The following NOC3L variants were observed in gnomAD, a reference collection of about 807,000 sequenced individuals.
NOC3L encodes the protein NOC3 like DNA replication regulator.
NOC3L carries 85 observed loss-of-function variants against 102.5 expected under a neutral mutation model. The observed-to-expected ratio is 0.83, with a 90% CI of 0.70 to 0.99. The LOEUF (loss-of-function observed/expected upper bound fraction) is 0.99, where lower values mean the gene tolerates loss of function less well. Among genes scored for constraint, NOC3L ranks in the 50% least tolerant of loss-of-function variants. The pLI, the probability that NOC3L is intolerant of heterozygous loss-of-function variation, is 0.00. For missense variants in NOC3L, 878 were observed against 914.9 expected, an observed-to-expected ratio of 0.96 and a Z score of 0.52; for synonymous variants, 303 against 309.4, an observed-to-expected ratio of 0.98 and a Z score of 0.22.
the NOC3L span, chr10:94,328,059 T>G: frequency 4.0e-6 from 2 of 494,292 alleles, no homozygotes; most frequent in Non-Finnish European, 8.4e-6. Context: ...TGATGATTTC[T>G]GAACTGAAGC....
At position 94,357,263 on chromosome 10, in the gene NOC3L, G is replaced by C. The variant is rs751658073; in HGVS notation, c.419C>G (p.Thr140Ser). Residue 140 changes from threonine (T) to serine (S), a missense_variant, in exon 4 of 21, where the codon ACT becomes AGT. Transcript: ENST00000371361. ...TTCCTTCTCTGGTGCAGTTTGCAGA[G>C]TTCTTGGTATTTTTTCATATTTATC... The part of the protein sequence containing the change: ...IIDKYEKIPR[T>S]LQTAPEKELI... 1.2e-6 allele frequency: 2 copies of C among 1,608,976 alleles called. No individual in the cohort carries two copies. The highest frequency in any genetic ancestry group is 1.7e-6 in the Non-Finnish European group (2 of 1,177,540).
chr10:94,329,873 A>G (rs555438133), downstream of NOC3L: 1 of 150,960 alleles, frequency 6.6e-6, no homozygotes, highest in African/African-American at 2.4e-5. Flanking sequence ...GGCTAGAACT[A>G]CCATTTTCTT....
chr10:94,332,495 ATGTGTGTGCC>A (rs1014761470), downstream of NOC3L: 1 of 130,344 alleles, frequency 7.7e-6, no homozygotes, highest in African/African-American at 3.0e-5. Context: ...GCCTCAGGAT[ATGTGTGTGCC>A]TGTGTGTGTG....
At chr10:94,326,565 CAT>C in the NOC3L span, among the ~76,000 whole-genome samples, 2 of 152,184 alleles carry the variant, frequency 1.3e-5, no homozygotes, top group African/African-American at 4.8e-5. Context: ...TACTTCTCTA[CAT>C]ATAAAGAGCC....
At chr10:94,341,635 C>A in intron 14 of NOC3L, 38 bp downstream of exon 14, 2 of 1,095,442 alleles carry the variant, frequency 1.8e-6, no homozygotes, top group East Asian at 2.9e-5. Context: ...TAGTAATTAC[C>A]ATTTATATCT....
At position 94,340,507 on chromosome 10, in the gene NOC3L, A is replaced by G. The variant is rs2054269774; in HGVS notation, c.1645-11T>C. On this transcript the variant is annotated splice_polypyrimidine_tract_variant and intron_variant, in intron 14 of 20. Coordinates refer to ENST00000371361, the MANE Select transcript of NOC3L (RefSeq NM_022451.11). ...TTGATAGCTTAGGTCCTTTAAAAAA[A>G]AAAGGGGGGGGTGAGGGGGATGGAA... 1.5e-6 allele frequency: 2 copies of G among 1,337,648 alleles called. No individual in the cohort carries two copies. Among genetic ancestry groups the G allele is most frequent in the South Asian group, 2.4e-5 (2 of 83,976 alleles). 82.9% of individuals were successfully genotyped at this position (1,337,648 alleles called of 1,614,324 possible). A position where few individuals can be genotyped will look rare whatever the true frequency, so the allele number is the denominator to read the frequency against.
chr10:94,349,513 T>TG, intron 9 of NOC3L, 135 bp from the exon 10 acceptor site: 1 of 636,322 alleles, frequency 1.6e-6, no homozygotes, highest in Non-Finnish European at 2.5e-6. Flanking sequence ...CTCCACTAGA[T>TG]GCCAGTAGTT....
chr10:94,362,935 C>CT lies in NOC3L; in HGVS notation c.-98dup. ...TGACACACGTGCCGAAGTCCCTACA[C>CT]TACCAGAGCCGGAAACGGCCTTCAG... is the stretch of plus-strand genomic sequence containing the variant. On this transcript the variant is annotated 5_prime_UTR_variant, in exon 1 of 21. Coordinates refer to ENST00000371361, the MANE Select transcript of NOC3L (RefSeq NM_022451.11). 1 of 1,592,882 alleles carries CT rather than the reference C, an allele frequency of 6.3e-7. No individual in the cohort carries two copies. Among genetic ancestry groups the CT allele is most frequent in the East Asian group, 2.2e-5 (1 of 44,718 alleles).
chr10:94,322,555 C>A, the NOC3L span, among the ~76,000 whole-genome samples: 1 of 151,966 alleles, frequency 6.6e-6, no homozygotes, highest in Non-Finnish European at 1.5e-5. Flanking sequence ...GGGGCCAAGG[C>A]GGGTGGATTG....
intron 5 of NOC3L, 33 bp from the exon 6 acceptor site, chr10:94,355,126 C>G (rs1217185149): frequency 1.8e-5 from 29 of 1,575,014 alleles, no homozygotes; most frequent in Non-Finnish European, 2.5e-5. Flanking sequence ...TTACATATTC[C>G]TCTGCTTACA....
intron 17 of NOC3L, among the ~76,000 whole-genome samples, 161 bp downstream of exon 17, chr10:94,339,575 GCTT>G (rs1335569077): frequency 1.3e-5 from 2 of 151,952 alleles, no homozygotes; most frequent in African/African-American, 4.8e-5. Context: ...GGTATAAAAT[GCTT>G]TTTTTCAATT....
chr10:94,361,741 CCT>C lies in NOC3L; in HGVS notation c.139_140del (p.Arg47GlufsTer12). On this transcript the variant is annotated frameshift_variant, in exon 2 of 21. Transcript: ENST00000371361. LOFTEE classifies it high-confidence loss of function. Reference protein sequence around the residue: ...STLKKYRKEQRKLRQAVKDAV... With the variant: ...STLKKYRKEQXKLRQAVKDAV... The stretch of plus-strand genomic sequence containing the variant: ...CATCTTTCACAGCTTGCCTTAGTTT[CCT>C]CTGTTCTTTTCGGTACTTCTTGAGA... The C allele has an allele frequency of 6.3e-7, 1 of 1,584,908 alleles. No homozygotes were observed. Among genetic ancestry groups the C allele is most frequent in the African/African-American group, 1.4e-5 (1 of 73,928 alleles).
In NOC3L at chr10:94,339,657, AAG is replaced by A. The variant is rs1379854084; in HGVS notation, c.1962+80_1962+81del. 33 of 1,060,716 alleles carry A rather than the reference AAG, an allele frequency of 3.1e-5. No homozygotes were observed. In the East Asian group the frequency reaches 7.5e-4, roughly 24 times the overall value. 65.7% of individuals were successfully genotyped at this position (1,060,716 alleles called of 1,614,324 possible). A position where few individuals can be genotyped will look rare whatever the true frequency, so the allele number is the denominator to read the frequency against. ...TACTTCTGTAATTGAAATAATATAA[AAG>A]GGGGGAAAAGACATGCCTCAAACAA... On this transcript the variant is annotated intron_variant, in intron 17 of 20. Coordinates refer to ENST00000371361, the MANE Select transcript of NOC3L (RefSeq NM_022451.11).
At position 94,359,439 on chromosome 10, in the gene NOC3L, A is replaced by G. The variant is rs574103632; in HGVS notation, c.218-1224T>C. Among the ~76,000 whole-genome samples the G allele has an allele frequency of 1.2e-4, 18 of 152,122 alleles. No homozygotes were observed. In the South Asian group the frequency reaches 2.9e-3, roughly 25 times the overall value. On this transcript the variant is annotated intron_variant, in intron 2 of 20. Coordinates refer to ENST00000371361, the MANE Select transcript of NOC3L (RefSeq NM_022451.11). ...AACTCCAGCCTGGGCAACAAGTGTGAAACTCCGTCTCAAAAAAAAAAACAA... is the reference window on the plus strand; with the variant it reads ...AACTCCAGCCTGGGCAACAAGTGTGGAACTCCGTCTCAAAAAAAAAAACAA...
downstream of NOC3L, chr10:94,330,561 C>A (rs1233261050): frequency 6.6e-6 from 1 of 151,786 alleles, no homozygotes; most frequent in African/African-American, 2.4e-5. Flanking sequence ...TGGTGGTGGG[C>A]ACCTGTAAAT....
At position 94,333,668 on chromosome 10, in the gene NOC3L, AT is replaced by A. The variant is rs1165855730; in HGVS notation, c.*508del. The A allele has an allele frequency of 6.6e-6, 1 of 152,082 alleles. No homozygotes were observed. The highest frequency in any genetic ancestry group is 1.5e-5 in the Non-Finnish European group (1 of 67,998). 9.4% of individuals were successfully genotyped at this position (152,082 alleles called of 1,614,324 possible). On this transcript the variant is annotated 3_prime_UTR_variant, in exon 21 of 21. Transcript: ENST00000371361. Reference sequence around the variant, plus strand: ...AAGCCAATGAACCTGAATACAAGCTATTTTTTTCTTTTCTCAAATATCTTCA... The same window carrying A: ...AAGCCAATGAACCTGAATACAAGCTATTTTTTCTTTTCTCAAATATCTTCA...
At chr10:94,324,345 T>G in the NOC3L span, 1 of 1,609,676 alleles carries the variant, frequency 6.2e-7, no homozygotes, top group Non-Finnish European at 8.5e-7. Flanking sequence ...AACTTACCTT[T>G]CAGACCTTAT....
At position 94,355,127 on chromosome 10, in the gene NOC3L, TCTG is replaced by T. The variant is rs748452691; in HGVS notation, c.566-37_566-35del. Reference sequence around the variant, plus strand: ...GATTAGATGTTCCCTTACATATTCCTCTGCTTACAAGTATCCAAGAATCTTAAT... The same window carrying T: ...GATTAGATGTTCCCTTACATATTCCTCTTACAAGTATCCAAGAATCTTAAT... On this transcript the variant is annotated intron_variant, in intron 5 of 20. Transcript: ENST00000371361. 2.5e-6 allele frequency: 4 copies of T among 1,573,740 alleles called. No homozygotes were observed. In the South Asian group the frequency reaches 4.6e-5, roughly 18 times the overall value.
intron 11 of NOC3L, 149 bp downstream of exon 11, chr10:94,346,276 T>C: frequency 2.2e-6 from 1 of 458,282 alleles, no homozygotes; most frequent in Non-Finnish European, 3.6e-6. Flanking sequence ...TTCTTTGCAG[T>C]AACAGGAAAA....
Sources: gnomAD v4.1 joint callset for allele counts (sites outside exome capture counted in the v4.1 genomes callset) on GRCh38, gnomAD v4.1.1 for gene constraint, MANE v1.5 for transcripts, NCBI Gene and HGNC (gene_info 2026-07-23, HGNC 2026-07-21) for gene names.